The following MBNL2 variants were observed in gnomAD, a reference collection of about 807,000 sequenced individuals.
MBNL2 encodes muscleblind-like protein 2.
MBNL2 carries 17 observed loss-of-function variants against 41.9 expected under a neutral mutation model. The ratio of observed to expected loss-of-function variants is 0.41; its 90% CI spans 0.28 to 0.61. The LOEUF is 0.61. MBNL2 is among the 20% of genes least tolerant of loss of function. MBNL2 has a pLI of 0.35. For synonymous variants in MBNL2, 195 were observed against 182.9 expected, an observed-to-expected ratio of 1.07 and a Z score of -0.53; for missense variants, 336 against 505.6, an observed-to-expected ratio of 0.66 and a Z score of 3.22.
chr13:97,172,157 G>A, the MBNL2 span, among the ~76,000 whole-genome samples: 35 of 152,074 alleles, frequency 2.3e-4, no homozygotes, highest in Non-Finnish European at 4.4e-4. Context: ...CCAGGATCAC[G>A]GGCAGTGGAG....
chr13:97,263,661 A>T (rs2049097712), intron 1 of MBNL2, among the ~76,000 whole-genome samples: 2 of 152,194 alleles, frequency 1.3e-5, no homozygotes. Flanking sequence ...TCTGTCACCC[A>T]GGCTGGAGTG....
At chr13:97,371,253 C>T (rs1476940972) in intron 8 of MBNL2, among the ~76,000 whole-genome samples, 1 of 152,042 alleles carries the variant, frequency 6.6e-6, no homozygotes, top group East Asian at 1.9e-4. Context: ...ATTTAATTTA[C>T]TTAATCACAT....
At chr13:97,385,121 C>A (rs757350062) in intron 8 of MBNL2, among the ~76,000 whole-genome samples, 4 of 152,142 alleles carry the variant, frequency 2.6e-5, no homozygotes, top group Admixed American at 6.5e-5. Context: ...AGCATTGTGG[C>A]ACTGTGTCTT....
At chr13:97,179,872 C>T in the MBNL2 span, among the ~76,000 whole-genome samples, 1 of 152,178 alleles carries the variant, frequency 6.6e-6, no homozygotes, top group Admixed American at 6.5e-5. Context: ...AGAGATGATG[C>T]TGGAAAGATG....
At chr13:97,256,903 G>A (rs754175719) in intron 1 of MBNL2, among the ~76,000 whole-genome samples, 3 of 152,190 alleles carry the variant, frequency 2.0e-5, no homozygotes, top group Non-Finnish European at 2.9e-5. Flanking sequence ...ACACATTTCA[G>A]TAAGCAGAAC....
At chr13:97,305,635 C>T (rs376860435) in intron 2 of MBNL2, among the ~76,000 whole-genome samples, 4 of 152,034 alleles carry the variant, frequency 2.6e-5, no homozygotes, top group African/African-American at 9.6e-5. Flanking sequence ...TGTGGTGGCA[C>T]GCACTTGTAG....
the MBNL2 span, chr13:97,172,715 C>T: frequency 2.0e-5 from 3 of 152,294 alleles, no homozygotes; most frequent in East Asian, 3.9e-4. Context: ...ACACCTTTCA[C>T]ACCTGTTGGT....
intron 5 of MBNL2, among the ~76,000 whole-genome samples, chr13:97,351,920 A>T (rs977563215): frequency 2.6e-5 from 4 of 152,026 alleles, no homozygotes; most frequent in Non-Finnish European, 5.9e-5. Context: ...CTACTCGAAG[A>T]GCTGAGGCAT....
intron 2 of MBNL2, among the ~76,000 whole-genome samples, chr13:97,290,560 C>T (rs2055676542): frequency 6.6e-6 from 1 of 151,998 alleles, no homozygotes; most frequent in Admixed American, 6.6e-5. Context: ...CCTGTAGTCC[C>T]AGCTACTCGG....
At chr13:97,354,631 G>C (rs371112427) in intron 5 of MBNL2, among the ~76,000 whole-genome samples, 2 of 152,142 alleles carry the variant, frequency 1.3e-5, no homozygotes, top group African/African-American at 4.8e-5. Context: ...ACTAAGACAG[G>C]AAGAAGAAGA....
intron 1 of MBNL2, among the ~76,000 whole-genome samples, chr13:97,269,859 A>AG (rs2050585993): frequency 4.6e-5 from 7 of 152,232 alleles, no homozygotes; most frequent in Non-Finnish European, 1.0e-4. Context: ...CACCAGGTCT[A>AG]ATCCTGGTCA....
At chr13:97,181,584 C>T in the MBNL2 span, among the ~76,000 whole-genome samples, 11 of 152,202 alleles carry the variant, frequency 7.2e-5, no homozygotes, top group South Asian at 2.1e-4. Context: ...CTTTTGAACA[C>T]GTATAGGAAA....
At chr13:97,291,900 C>A (rs370450616) in intron 2 of MBNL2, among the ~76,000 whole-genome samples, 40 of 37,802 alleles carry the variant, frequency 1.1e-3, no homozygotes, top group East Asian at 3.0e-3. Flanking sequence ...GTCTCCGTCT[C>A]AAAAAAAAAA....
chr13:97,230,255 G>A (rs1056339353), intron 1 of MBNL2, among the ~76,000 whole-genome samples: 12 of 152,200 alleles, frequency 7.9e-5, no homozygotes, highest in African/African-American at 1.7e-4. Flanking sequence ...CTGAGGTCAC[G>A]CCATTGCAGA....
intron 2 of MBNL2, among the ~76,000 whole-genome samples, chr13:97,283,365 G>T (rs967240320): frequency 6.6e-6 from 1 of 152,092 alleles, no homozygotes; most frequent in African/African-American, 2.4e-5. Context: ...ATCCCCATCT[G>T]AATGGCCCAT....
chr13:97,367,775 A>G (rs2063982251), intron 8 of MBNL2, among the ~76,000 whole-genome samples: 1 of 152,192 alleles, frequency 6.6e-6, no homozygotes, highest in Non-Finnish European at 1.5e-5. Flanking sequence ...GCAGGTGTCA[A>G]TCAACTGAGG....
At chr13:97,309,730 G>C (rs1347594111) in intron 2 of MBNL2, among the ~76,000 whole-genome samples, 3 of 152,212 alleles carry the variant, frequency 2.0e-5, no homozygotes, top group Non-Finnish European at 4.4e-5. Flanking sequence ...GGGAAATTCA[G>C]GGAAGAAAGA....
chr13:97,210,025 G>T, the MBNL2 span, among the ~76,000 whole-genome samples: 2 of 152,102 alleles, frequency 1.3e-5, no homozygotes, highest in Admixed American at 1.3e-4. Context: ...CAAACTCCTG[G>T]CCTCAGGTGA....
chr13:97,293,228 T>C lies in MBNL2; in HGVS notation c.174+16819T>C, dbSNP rs188745152. Among the ~76,000 whole-genome samples, 335 of 152,320 alleles carry C rather than the reference T, an allele frequency of 2.2e-3. 1 individual carries two copies. The highest frequency in any genetic ancestry group is 7.3e-3 in the African/African-American group (302 of 41,580). On this transcript the variant is annotated intron_variant, in intron 2 of 8. Transcript: ENST00000679496. Reference sequence around the variant, plus strand: ...AAAAAATAGTTTTGGCTGTATCTTATAGATTTTTGTTAAATAATATTCTCA... The same window carrying C: ...AAAAAATAGTTTTGGCTGTATCTTACAGATTTTTGTTAAATAATATTCTCA...
Sources: allele counts gnomAD v4.1 joint callset (sites outside exome capture counted in the v4.1 genomes callset), GRCh38; gene constraint gnomAD v4.1.1; transcripts MANE v1.5; gene names NCBI Gene and HGNC (gene_info 2026-07-23, HGNC 2026-07-21).